The following TP73 variants were observed in gnomAD, a reference collection of about 807,000 sequenced individuals.
The protein encoded by TP73 is tumor protein p73.
In TP73, 25 loss-of-function variants were observed where a neutral mutation model predicts 62.5. The observed-to-expected ratio is 0.40, with a 90% CI of 0.29 to 0.56. TP73 has a LOEUF of 0.56. Ranked by LOEUF, TP73 falls within the 20% of genes least tolerant of loss-of-function variation. The pLI is 0.46. For synonymous variants in TP73, 423 were observed against 377.5 expected, an observed-to-expected ratio of 1.12 and a Z score of -1.40; for missense variants, 754 against 913.3, an observed-to-expected ratio of 0.83 and a Z score of 2.25.
At chr1:3,712,514 G>T (rs905991908) in intron 4 of TP73, 1 of 152,280 alleles carries the variant, frequency 6.6e-6, no homozygotes, top group Admixed American at 6.5e-5. Context: ...CCTGGGTCCT[G>T]CTGCCCCACC....
rs746843257 is a variant in TP73, at chr1:3,666,780, G to A, written c.-34+14139G>A. 1.6e-4 allele frequency among the ~76,000 whole-genome samples: 24 copies of A among 152,294 alleles called. No individual in the cohort carries two copies. The Middle Eastern group carries it at 0.01, about 65-fold the overall frequency. ...GTGCTCTGAGCAGACGCGACTCAGT[G>A]CCATGCGGGCGTCTCTCCCAGGGCG... On this transcript the variant is annotated intron_variant, in intron 1 of 13. Transcript: ENST00000378295. This position sits in a 1 kb window ranked among gnomAD's most constrained non-coding sequence, Gnocchi z 6.4.
chr1:3,703,807 C>T (rs1033378371), intron 3 of TP73, among the ~76,000 whole-genome samples: 12 of 152,224 alleles, frequency 7.9e-5, no homozygotes, highest in African/African-American at 2.7e-4. Flanking sequence ...GAAGCCTCAG[C>T]TGGGCAGCCC....
intron 1 of TP73, among the ~76,000 whole-genome samples, chr1:3,660,811 T>A (rs535134329): frequency 6.6e-6 from 1 of 152,242 alleles, no homozygotes; most frequent in African/African-American, 2.4e-5. Flanking sequence ...AACAGTTAAC[T>A]GTGTATGACA....
At position 3,670,292 on chromosome 1, in the gene TP73, G is replaced by A. The variant is rs915047080; in HGVS notation, c.-33-12041G>A. ...CACAGGCTTCTGGAATGTGGGTGTC[G>A]TCTCCCTGGGGTCCCGCAGTCTGAA... is the stretch of plus-strand genomic sequence containing the variant. On this transcript the variant is annotated intron_variant, in intron 1 of 13. Transcript: ENST00000378295. This position sits in a 1 kb window ranked among gnomAD's most constrained non-coding sequence, Gnocchi z 5.9. Among the ~76,000 whole-genome samples the A allele has an allele frequency of 4.6e-5, 7 of 152,128 alleles. No individual in the cohort carries two copies. The highest frequency in any genetic ancestry group is 7.4e-5 in the Non-Finnish European group (5 of 68,016).
intron 4 of TP73, among the ~76,000 whole-genome samples, chr1:3,721,802 G>A (rs567376022): frequency 6.6e-4 from 101 of 152,280 alleles, no homozygotes; most frequent in Non-Finnish European, 6.5e-4. Flanking sequence ...CAAATGACCC[G>A]ATGGCTGTGG....
At position 3,729,448 on chromosome 1, in the gene TP73, C is replaced by G. The variant is rs752956868; in HGVS notation, c.1196C>G (p.Pro399Arg). ...YRQQQQLLQR[P>R]SHLQPPSYGP... Reference sequence around the variant, plus strand: ...CAGCAGCAGCAGCTCCTACAGAGGCCGTGAGTCAGCCCTAGCCCACCATCA... The same window carrying G: ...CAGCAGCAGCAGCTCCTACAGAGGCGGTGAGTCAGCCCTAGCCCACCATCA... Residue 399 changes from proline (P) to arginine (R), a missense_variant and splice_region_variant, in exon 10 of 14, where the codon CCG (proline) becomes CGG (arginine). Physicochemically the swap from Pro to Arg is moderately radical, Grantham distance 103. This residue lies in a region of TP73 where 458 missense variants were observed against 528.7 expected (regional missense o/e 0.87). Transcript: ENST00000378295. 3 of 1,612,526 alleles carry G rather than the reference C, an allele frequency of 1.9e-6. No homozygotes were observed. Among genetic ancestry groups the G allele is most frequent in the Non-Finnish European group, 2.5e-6 (3 of 1,179,966 alleles).
chr1:3,682,202 G>GT, intron 1 of TP73, 131 bp from the exon 2 acceptor site: 1 of 601,534 alleles, frequency 1.7e-6, no homozygotes, highest in Non-Finnish European at 2.7e-6. Flanking sequence ...CACAGGGAGG[G>GT]CAAGGCGGGG....
intron 3 of TP73, among the ~76,000 whole-genome samples, chr1:3,688,252 C>T (rs997082093): frequency 6.6e-6 from 1 of 152,186 alleles, no homozygotes; most frequent in Non-Finnish European, 1.5e-5. Context: ...TTTGGGGCTG[C>T]ACAGAAGTGA....
rs776228855 is a variant in TP73, at chr1:3,735,291, A to C, written c.*2212A>C. The C allele has an allele frequency of 1.1e-4, 16 of 150,208 alleles. No individual in the cohort carries two copies. Among genetic ancestry groups the C allele is most frequent in the Admixed American group, 1.1e-3 (16 of 15,080 alleles). The allele number at this position is 150,208 out of a possible 1,614,324, so 9.3% of individuals were successfully genotyped here. On this transcript the variant is annotated 3_prime_UTR_variant, in exon 14 of 14. Coordinates refer to ENST00000378295, the MANE Select transcript of TP73 (RefSeq NM_005427.4). ...CAGCGCAGATGTGCTTCAGTTCCAGAGGGCTTGTTGATTTGTTTCTTAGGT... is the reference window on the plus strand; with the variant it reads ...CAGCGCAGATGTGCTTCAGTTCCAGCGGGCTTGTTGATTTGTTTCTTAGGT...
At chr1:3,693,312 G>C (rs1351026306) in intron 3 of TP73, among the ~76,000 whole-genome samples, 2 of 152,226 alleles carry the variant, frequency 1.3e-5, no homozygotes, top group African/African-American at 4.8e-5. Flanking sequence ...AGTTGTATTG[G>C]AGTTGGTGGC....
In TP73 at chr1:3,678,358, G is replaced by A. The variant is rs555113054; in HGVS notation, c.-33-3975G>A. Among the ~76,000 whole-genome samples the A allele has an allele frequency of 1.3e-4, 20 of 151,816 alleles. No homozygotes were observed. In the South Asian group the frequency reaches 2.9e-3, roughly 22 times the overall value. ...CATACTCCCCCTGCCCCAGCGCAGC[G>A]TCCCTGCACCCCCAACAGAGCTTCC... On this transcript the variant is annotated intron_variant, in intron 1 of 13. Transcript: ENST00000378295.
At chr1:3,679,035 G>A (rs1003687373) in intron 1 of TP73, among the ~76,000 whole-genome samples, 3 of 152,186 alleles carry the variant, frequency 2.0e-5, no homozygotes, top group East Asian at 3.9e-4. Context: ...GACCACGCTC[G>A]CTGGCCTCTG....
chr1:3,728,342 C>T, intron 9 of TP73, 125 bp downstream of exon 9: 1 of 985,708 alleles, frequency 1.0e-6, no homozygotes. Context: ...GAGCCCAGCC[C>T]TGTGTGAGAG....
chr1:3,714,849 C>A (rs1057027060), intron 4 of TP73, among the ~76,000 whole-genome samples: 1 of 152,222 alleles, frequency 6.6e-6, no homozygotes, highest in African/African-American at 2.4e-5. Flanking sequence ...CCCCTCTGTC[C>A]CCAAGGCCCC....
chr1:3,735,493 G>A lies in TP73; in HGVS notation c.*2414G>A, dbSNP rs1227237574. 1 of 152,238 alleles carries A rather than the reference G, an allele frequency of 6.6e-6. No individual in the cohort carries two copies. The highest frequency in any genetic ancestry group is 6.5e-5 in the Admixed American group (1 of 15,288). The allele number at this position is 152,238 out of a possible 1,614,324, so 9.4% of individuals were successfully genotyped here. A position where few individuals can be genotyped will look rare whatever the true frequency, so the allele number is the denominator to read the frequency against. ...AACACGGAGCAGCCAGATGGCCCCAGCTGCACCTGTCTAGGGAGCCCATGC... is the reference window on the plus strand; with the variant it reads ...AACACGGAGCAGCCAGATGGCCCCAACTGCACCTGTCTAGGGAGCCCATGC... On this transcript the variant is annotated 3_prime_UTR_variant, in exon 14 of 14. Transcript: ENST00000378295.
chr1:3,711,916 G>A (rs539489817), intron 4 of TP73, among the ~76,000 whole-genome samples: 23 of 152,200 alleles, frequency 1.5e-4, no homozygotes, highest in Non-Finnish European at 2.2e-4. Flanking sequence ...CTGGCTCCAC[G>A]GGTAGGAAAG....
chr1:3,719,061 G>A (rs1260445292), intron 4 of TP73, among the ~76,000 whole-genome samples: 1 of 152,148 alleles, frequency 6.6e-6, no homozygotes, highest in African/African-American at 2.4e-5. Flanking sequence ...CCACAGGGCC[G>A]GACCTCAGAG....
intron 13 of TP73, among the ~76,000 whole-genome samples, chr1:3,732,178 C>T (rs971358855): frequency 2.0e-5 from 3 of 152,324 alleles, no homozygotes; most frequent in African/African-American, 7.2e-5. Context: ...GGCCCAGGTC[C>T]AAGGCCCGTC....
rs190394773 is a variant in TP73, at chr1:3,705,192, G to A, written c.187-2357G>A. Reference sequence around the variant, plus strand: ...GCTGGGATTACGGGCGTCCCCCCGTGATGTTTTTAAGCTGGCACCATGGCT... The same window carrying A: ...GCTGGGATTACGGGCGTCCCCCCGTAATGTTTTTAAGCTGGCACCATGGCT... On this transcript the variant is annotated intron_variant, in intron 3 of 13. Coordinates refer to ENST00000378295, the MANE Select transcript of TP73 (RefSeq NM_005427.4). Among the ~76,000 whole-genome samples the A allele has an allele frequency of 3.6e-3, 555 of 152,372 alleles. 3 individuals are homozygous for A. Among genetic ancestry groups the A allele is most frequent in the Non-Finnish European group, 5.5e-3 (374 of 68,030 alleles).
Sources: gnomAD v4.1 joint callset for allele counts (sites outside exome capture counted in the v4.1 genomes callset) on GRCh38, gnomAD v4.1.1 for gene constraint, gnomAD v4.1.1 regional missense constraint, Gnocchi (gnomAD v3.1) non-coding constraint, MANE v1.5 for transcripts, NCBI Gene and HGNC (gene_info 2026-07-23, HGNC 2026-07-21) for gene names.